IMMP2L: variants seen among roughly 807,000 people sequenced by gnomAD.
The protein encoded by IMMP2L is mitochondrial inner membrane protease subunit 2.
A neutral mutation model predicts 19.3 loss-of-function variants in IMMP2L; 18 were observed. The observed-to-expected ratio is 0.93, with a 90% CI of 0.64 to 1.38. The LOEUF is 1.38. Among genes scored for constraint, IMMP2L ranks in the 40% most tolerant of loss-of-function variants. IMMP2L has a pLI of 0.00. For synonymous variants in IMMP2L, 76 were observed against 73.0 expected, an observed-to-expected ratio of 1.04 and a Z score of -0.21; for missense variants, 233 against 218.2, an observed-to-expected ratio of 1.07 and a Z score of -0.43.
chr7:111,549,786 C>T (rs949476893), intron 1 of IMMP2L, among the ~76,000 whole-genome samples: 5 of 151,898 alleles, frequency 3.3e-5, no homozygotes, highest in Admixed American at 6.6e-5. Context: ...ACTAAAAATA[C>T]AAAGATTAGC....
At chr7:111,229,136 T>C (rs1301132012) in intron 3 of IMMP2L, among the ~76,000 whole-genome samples, 3 of 151,994 alleles carry the variant, frequency 2.0e-5, no homozygotes. Context: ...TTCTACGCGG[T>C]TGCCTTTATT....
chr7:110,974,498 A>G (rs1820488239), intron 3 of IMMP2L, among the ~76,000 whole-genome samples: 1 of 152,160 alleles, frequency 6.6e-6, no homozygotes. Context: ...AAGATATGAA[A>G]TCAAGTAAAT....
At position 110,727,463 on chromosome 7, in the gene IMMP2L, C is replaced by T. The variant is rs904197020; in HGVS notation, c.409-63742G>A. On this transcript the variant is annotated intron_variant, in intron 5 of 5. Coordinates refer to ENST00000405709, the MANE Select transcript of IMMP2L (RefSeq NM_032549.4). This position sits in a 1 kb window ranked among gnomAD's most constrained non-coding sequence, Gnocchi z 4.3. ...TCAGACAGCACCAATGCTAGACTAA[C>T]ATTATGGAACTTATCAAGGAAGAAC... Among the ~76,000 whole-genome samples the T allele has an allele frequency of 2.6e-5, 4 of 152,086 alleles. No individual in the cohort carries two copies. The highest frequency in any genetic ancestry group is 6.6e-5 in the Admixed American group (1 of 15,260).
chr7:111,305,681 A>G (rs1305559628), intron 3 of IMMP2L, among the ~76,000 whole-genome samples: 1 of 152,148 alleles, frequency 6.6e-6, no homozygotes, highest in Non-Finnish European at 1.5e-5. Flanking sequence ...ATATTTATGA[A>G]TTTGTTTGGT....
chr7:110,938,720 C>A (rs367697652), intron 4 of IMMP2L, among the ~76,000 whole-genome samples: 1 of 151,838 alleles, frequency 6.6e-6, no homozygotes. Context: ...GCACTTTTAC[C>A]CCCTAAATCT....
chr7:111,240,712 G>T (rs190527404), intron 3 of IMMP2L, among the ~76,000 whole-genome samples: 1 of 152,016 alleles, frequency 6.6e-6, no homozygotes, highest in Non-Finnish European at 1.5e-5. Context: ...GCACTTGTAG[G>T]TCTAGGCTAT....
At chr7:111,464,491 T>C (rs544196491) in intron 3 of IMMP2L, among the ~76,000 whole-genome samples, 8 of 152,084 alleles carry the variant, frequency 5.3e-5, no homozygotes, top group Non-Finnish European at 1.0e-4. Context: ...CATAAGTAAA[T>C]AAATAAGTAA....
At chr7:110,675,306 C>A (rs993858772) in intron 5 of IMMP2L, among the ~76,000 whole-genome samples, 2 of 152,032 alleles carry the variant, frequency 1.3e-5, no homozygotes, top group African/African-American at 2.4e-5. Context: ...TGGTGCAGGC[C>A]CCAACTTAAT....
At chr7:111,253,182 T>C (rs1816333513) in intron 3 of IMMP2L, among the ~76,000 whole-genome samples, 1 of 152,188 alleles carries the variant, frequency 6.6e-6, no homozygotes, top group African/African-American at 2.4e-5. Context: ...TATTCCTCCA[T>C]TAAAATTAAA....
At chr7:111,487,958 C>G (rs897505433) in intron 2 of IMMP2L, among the ~76,000 whole-genome samples, 1 of 152,044 alleles carries the variant, frequency 6.6e-6, no homozygotes, top group African/African-American at 2.4e-5. Context: ...CTAACTGTGC[C>G]TGAGGGTTAA....
At chr7:111,050,011 G>A (rs986402733) in intron 3 of IMMP2L, among the ~76,000 whole-genome samples, 4 of 152,168 alleles carry the variant, frequency 2.6e-5, no homozygotes, top group Non-Finnish European at 5.9e-5. Flanking sequence ...GACTGTGAGG[G>A]AACTCTCCTC....
chr7:111,492,124 C>CT (rs959179619), intron 2 of IMMP2L, among the ~76,000 whole-genome samples: 5 of 151,424 alleles, frequency 3.3e-5, no homozygotes, highest in African/African-American at 1.2e-4. Context: ...TCTATAAGCT[C>CT]TTTTTTTTTC....
At chr7:111,503,850 C>A (rs2132477540) in intron 2 of IMMP2L, among the ~76,000 whole-genome samples, 1 of 152,116 alleles carries the variant, frequency 6.6e-6, no homozygotes, top group East Asian at 1.9e-4. Context: ...TATGACAAAC[C>A]CACAGCCAAT....
At chr7:111,314,861 A>C (rs965604431) in intron 3 of IMMP2L, among the ~76,000 whole-genome samples, 5 of 152,136 alleles carry the variant, frequency 3.3e-5, no homozygotes, top group African/African-American at 1.2e-4. Context: ...GGGTAGTAAA[A>C]ATGTAACTTA....
At chr7:111,202,529 C>A (rs1317987214) in intron 3 of IMMP2L, among the ~76,000 whole-genome samples, 1 of 152,156 alleles carries the variant, frequency 6.6e-6, no homozygotes, top group African/African-American at 2.4e-5. Flanking sequence ...CTCGTGAACC[C>A]AGCCAGCAAT....
intron 4 of IMMP2L, among the ~76,000 whole-genome samples, chr7:110,956,878 C>A (rs1362078454): frequency 6.6e-6 from 1 of 151,938 alleles, no homozygotes; most frequent in East Asian, 1.9e-4. Context: ...TTTGTGGTTG[C>A]CTCACATTGA....
intron 2 of IMMP2L, among the ~76,000 whole-genome samples, chr7:111,504,908 A>G (rs1208498526): frequency 5.3e-5 from 8 of 151,978 alleles, no homozygotes; most frequent in African/African-American, 1.9e-4. Flanking sequence ...GGACATAGGC[A>G]TGGGCAAGGA....
intron 1 of IMMP2L, among the ~76,000 whole-genome samples, chr7:111,537,527 C>CTT (rs5886594): frequency 2.2e-4 from 17 of 78,554 alleles, no homozygotes; most frequent in Non-Finnish European, 3.3e-4. Context: ...ATCACTTCCA[C>CTT]TTTTTTTTTT....
At chr7:111,074,466 A>G (rs1315937650) in intron 3 of IMMP2L, among the ~76,000 whole-genome samples, 1 of 152,238 alleles carries the variant, frequency 6.6e-6, no homozygotes, top group East Asian at 1.9e-4. Flanking sequence ...TCTTGGTCCT[A>G]TGTAAAATAC....
Sources: allele counts gnomAD v4.1 joint callset (sites outside exome capture counted in the v4.1 genomes callset), GRCh38; gene constraint gnomAD v4.1.1; non-coding constraint Gnocchi (gnomAD v3.1); transcripts MANE v1.5; gene names NCBI Gene and HGNC (gene_info 2026-07-23, HGNC 2026-07-21).